Variants in OR6N1 observed in about 807,000 individuals in gnomAD.
The protein encoded by OR6N1 is olfactory receptor family 6 subfamily N member 1.
For synonymous variants in OR6N1, 170 were observed against 150.7 expected (o/e 1.13, Z -0.94); for missense variants, 394 against 371.7 (o/e 1.06, Z -0.49).
At chr1:158,811,754 G>T in the OR6N1 span, among the ~76,000 whole-genome samples, 2 of 152,284 alleles carry the variant, frequency 1.3e-5, no homozygotes, top group African/African-American at 4.8e-5. Context: ...CACTGTAAAA[G>T]ATTTTCACAC....
At chr1:158,800,420 T>C in the OR6N1 span, among the ~76,000 whole-genome samples, 24 of 152,320 alleles carry the variant, frequency 1.6e-4, 1 homozygote, top group South Asian at 5.0e-3. Flanking sequence ...AATATTAAAA[T>C]TGGTTTGCCT....
the OR6N1 span, among the ~76,000 whole-genome samples, chr1:158,795,205 T>G: frequency 6.6e-6 from 1 of 152,146 alleles, no homozygotes; most frequent in South Asian, 2.1e-4. Flanking sequence ...AAGCCCCACT[T>G]AGCTCTCACA....
the OR6N1 span, among the ~76,000 whole-genome samples, chr1:158,791,210 C>G: frequency 1.3e-5 from 2 of 152,104 alleles, no homozygotes; most frequent in Non-Finnish European, 2.9e-5. Flanking sequence ...CCAACGCAAT[C>G]TACAATTTTT....
At chr1:158,796,267 T>C in the OR6N1 span, 1 of 152,238 alleles carries the variant, frequency 6.6e-6, no homozygotes, top group African/African-American at 2.4e-5. Flanking sequence ...GGAGGGGTCT[T>C]ATTTGGTACC....
the OR6N1 span, among the ~76,000 whole-genome samples, chr1:158,802,685 C>T: frequency 6.6e-6 from 1 of 152,188 alleles, no homozygotes. Flanking sequence ...CACCACTGTC[C>T]CTCCCTTTGC....
chr1:158,766,092 T>C lies in OR6N1; in HGVS notation c.591A>G (p.Leu197=), dbSNP rs764637160. The C allele has an allele frequency of 2.5e-6, 4 of 1,614,038 alleles. No homozygotes were observed. The highest frequency in any genetic ancestry group is 3.4e-6 in the Non-Finnish European group (4 of 1,179,950). Residue 197 remains leucine, a synonymous_variant, in exon 2 of 2, where the codon CTA becomes CTG. Coordinates refer to ENST00000641846, the MANE Select transcript of OR6N1 (RefSeq NM_001005185.2). The stretch of plus-strand genomic sequence containing the variant: ...TGCAGGAATTTATAACAAAATCTAC[T>C]AGGACATTTATAGACGTATCAGTGC... The part of the protein sequence containing the change: ...LACTDTSINV[L]VDFVINSCKI...
At chr1:158,783,785 A>G in the OR6N1 span, among the ~76,000 whole-genome samples, 1 of 152,176 alleles carries the variant, frequency 6.6e-6, no homozygotes, top group African/African-American at 2.4e-5. Flanking sequence ...TAGGTATACA[A>G]TAACTATTTG....
the OR6N1 span, among the ~76,000 whole-genome samples, chr1:158,821,170 C>T: frequency 1.3e-5 from 2 of 152,110 alleles, no homozygotes; most frequent in African/African-American, 4.8e-5. Context: ...TTTTTCAGAG[C>T]AGTTTTAGAT....
At chr1:158,796,053 T>C in the OR6N1 span, 1 of 152,336 alleles carries the variant, frequency 6.6e-6, no homozygotes, top group African/African-American at 2.4e-5. Flanking sequence ...CATGATCACG[T>C]ACTTGAGGTC....
chr1:158,804,289 G>T, the OR6N1 span, among the ~76,000 whole-genome samples: 1 of 152,084 alleles, frequency 6.6e-6, no homozygotes, highest in African/African-American at 2.4e-5. Context: ...TTTTTGTTCT[G>T]GTTGGCTCCA....
chr1:158,776,948 T>C (rs1352096339), upstream of OR6N1: 2 of 1,614,050 alleles, frequency 1.2e-6, no homozygotes, highest in Non-Finnish European at 1.7e-6. Context: ...CCTGATGCTG[T>C]TTTTATCTTC....
chr1:158,767,680 C>T lies in OR6N1; in HGVS notation c.-18-980G>A, dbSNP rs143486033. ...AATACTCTATCAATGTAAAAACATG[C>T]TATTATTCTCATCTACTAAACAAAC... is the stretch of plus-strand genomic sequence containing the variant. On this transcript the variant is annotated intron_variant, in intron 1 of 1. Coordinates refer to ENST00000641846, the MANE Select transcript of OR6N1 (RefSeq NM_001005185.2). Among the ~76,000 whole-genome samples the T allele has an allele frequency of 7.9e-5, 12 of 152,258 alleles. No homozygotes were observed. In the East Asian group the frequency reaches 2.3e-3, roughly 29 times the overall value.
the OR6N1 span, among the ~76,000 whole-genome samples, chr1:158,783,055 G>C: frequency 2.3e-4 from 35 of 152,286 alleles, no homozygotes; most frequent in African/African-American, 7.9e-4. Flanking sequence ...GAACTGTACT[G>C]CAAAACAATC....
the OR6N1 span, among the ~76,000 whole-genome samples, chr1:158,804,829 A>C: frequency 6.6e-6 from 1 of 152,274 alleles, no homozygotes; most frequent in Admixed American, 6.5e-5. Flanking sequence ...TTTTTGAAAC[A>C]GCTTTTATGT....
At chr1:158,828,577 G>A in the OR6N1 span, among the ~76,000 whole-genome samples, 1 of 152,210 alleles carries the variant, frequency 6.6e-6, no homozygotes, top group Non-Finnish European at 1.5e-5. Context: ...GTTTTGCAGG[G>A]AACAGCCTCC....
chr1:158,817,807 G>A, the OR6N1 span, among the ~76,000 whole-genome samples: 2 of 152,208 alleles, frequency 1.3e-5, no homozygotes, highest in African/African-American at 2.4e-5. Flanking sequence ...GCAAAGGCTG[G>A]ATAATGGCAT....
At chr1:158,807,884 A>C in the OR6N1 span, among the ~76,000 whole-genome samples, 2 of 152,106 alleles carry the variant, frequency 1.3e-5, no homozygotes, top group African/African-American at 4.8e-5. Context: ...GAATGGGGAA[A>C]TCAGAGACCA....
chr1:158,772,625 AC>A (rs928739021), upstream of OR6N1, among the ~76,000 whole-genome samples: 1 of 152,156 alleles, frequency 6.6e-6, no homozygotes, highest in Non-Finnish European at 1.5e-5. Flanking sequence ...TATCATCAAG[AC>A]CGACTCCTAA....
the OR6N1 span, among the ~76,000 whole-genome samples, chr1:158,787,299 T>C: frequency 8.8e-3 from 1,332 of 152,204 alleles, 24 homozygotes; most frequent in African/African-American, 0.031. Flanking sequence ...TCATGCATCC[T>C]ATACAGCCTG....
Sources: gnomAD v4.1 joint callset for allele counts (sites outside exome capture counted in the v4.1 genomes callset) on GRCh38, gnomAD v4.1.1 for gene constraint, MANE v1.5 for transcripts, NCBI Gene and HGNC (gene_info 2026-07-23, HGNC 2026-07-21) for gene names.